PDZD2: variants seen among roughly 807,000 people sequenced by gnomAD.
The protein encoded by PDZD2 is PDZ domain-containing protein 2.
Under a neutral mutation model 220.7 loss-of-function variants are expected in PDZD2, and 90 were observed. That is an observed-to-expected ratio of 0.41 (90% confidence interval 0.34 to 0.49). The LOEUF (loss-of-function observed/expected upper bound fraction) is 0.49, where lower values mean the gene tolerates loss of function less well. PDZD2 is among the 20% of genes least tolerant of loss of function. The probability of loss-of-function intolerance (pLI) is 0.28; values close to 1 mark genes in which losing one functional copy is unlikely to be tolerated. For missense variants in PDZD2, 3,174 were observed against 3,608.5 expected (o/e 0.88, Z 3.08); for synonymous variants, 1,375 against 1,450.5 (o/e 0.95, Z 1.18).
At chr5:31,655,375 T>C (rs1217639982) in intron 1 of PDZD2, among the ~76,000 whole-genome samples, 1 of 152,170 alleles carries the variant, frequency 6.6e-6, no homozygotes, top group East Asian at 1.9e-4. Flanking sequence ...GGTTTCACCA[T>C]GTTGGTCAGG....
chr5:31,732,488 C>T (rs1749592065), intron 1 of PDZD2, among the ~76,000 whole-genome samples: 1 of 152,174 alleles, frequency 6.6e-6, no homozygotes, highest in Non-Finnish European at 1.5e-5. Context: ...GAGGATGGAG[C>T]CCAGGCCAGA....
At chr5:31,998,487 G>A (rs1268120856) in intron 4 of PDZD2, among the ~76,000 whole-genome samples, 1 of 152,166 alleles carries the variant, frequency 6.6e-6, no homozygotes, top group African/African-American at 2.4e-5. Flanking sequence ...GGGGAGGGAA[G>A]GATGGAAAGA....
intron 2 of PDZD2, among the ~76,000 whole-genome samples, chr5:31,835,400 C>T (rs1287427997): frequency 6.6e-6 from 1 of 151,994 alleles, no homozygotes; most frequent in African/African-American, 2.4e-5. Context: ...AGGTGAATCA[C>T]TTGAGGTCAG....
At chr5:31,769,255 C>T (rs1752206092) in intron 1 of PDZD2, among the ~76,000 whole-genome samples, 1 of 152,182 alleles carries the variant, frequency 6.6e-6, no homozygotes. Flanking sequence ...GAAGCAAATG[C>T]AGTTGGATCC....
At chr5:31,991,015 C>T (rs547675667) in intron 3 of PDZD2, among the ~76,000 whole-genome samples, 2 of 152,316 alleles carry the variant, frequency 1.3e-5, no homozygotes, top group South Asian at 4.1e-4. Context: ...AGCAAAGCAT[C>T]TGCCCTCAGG....
intron 6 of PDZD2, among the ~76,000 whole-genome samples, chr5:32,036,416 G>A (rs1484641226): frequency 6.6e-6 from 1 of 152,168 alleles, no homozygotes; most frequent in Non-Finnish European, 1.5e-5. Flanking sequence ...CAAAAGTCTT[G>A]TACATGTAAA....
At chr5:31,725,711 G>T (rs893743653) in intron 1 of PDZD2, 3 of 889,406 alleles carry the variant, frequency 3.4e-6, no homozygotes, top group African/African-American at 1.6e-5. Context: ...TCTAGTTTTG[G>T]TATGAGATGC....
intron 2 of PDZD2, among the ~76,000 whole-genome samples, chr5:31,807,696 A>C (rs1024315114): frequency 6.6e-6 from 1 of 152,180 alleles, no homozygotes; most frequent in Non-Finnish European, 1.5e-5. Flanking sequence ...TGGCGGATGC[A>C]AGAACCGGGT....
chr5:31,647,104 T>G (rs897344255), intron 1 of PDZD2, among the ~76,000 whole-genome samples: 1 of 152,176 alleles, frequency 6.6e-6, no homozygotes, highest in Non-Finnish European at 1.5e-5. Context: ...CTGAGCACAC[T>G]TCCCGCCTTC....
At chr5:31,911,288 G>A (rs1581058520) in intron 2 of PDZD2, among the ~76,000 whole-genome samples, 1 of 152,334 alleles carries the variant, frequency 6.6e-6, no homozygotes, top group Non-Finnish European at 1.5e-5. Flanking sequence ...AAGGAAAGTA[G>A]CATTGTTCTA....
chr5:32,040,955 G>T (rs529618118), intron 7 of PDZD2, among the ~76,000 whole-genome samples: 5 of 141,256 alleles, frequency 3.5e-5, no homozygotes, highest in African/African-American at 1.3e-4. Context: ...GGGAAATGGG[G>T]AGCGCCTCTG....
intron 4 of PDZD2, 96 bp downstream of exon 4, chr5:31,995,814 C>A: frequency 8.8e-7 from 1 of 1,132,764 alleles, no homozygotes; most frequent in Non-Finnish European, 1.3e-6. Flanking sequence ...TTGTTCAAAG[C>A]CCTGGCGATT....
At chr5:32,058,546 C>T (rs1445040030) in intron 12 of PDZD2, among the ~76,000 whole-genome samples, 3 of 151,556 alleles carry the variant, frequency 2.0e-5, no homozygotes, top group Admixed American at 6.6e-5. Flanking sequence ...TGGTGGCAAG[C>T]GCCTGTAATC....
intron 2 of PDZD2, among the ~76,000 whole-genome samples, chr5:31,979,901 T>C (rs753178178): frequency 3.3e-5 from 5 of 152,216 alleles, no homozygotes; most frequent in Non-Finnish European, 7.3e-5. Context: ...ATTTCCAAGC[T>C]GCAGTTTCAT....
At chr5:31,927,663 G>A (rs1744917102) in intron 2 of PDZD2, among the ~76,000 whole-genome samples, 1 of 152,142 alleles carries the variant, frequency 6.6e-6, no homozygotes. Context: ...GGGATTACAA[G>A]CATGATCCAC....
chr5:31,785,918 AC>A (rs1284452197), intron 1 of PDZD2, among the ~76,000 whole-genome samples: 1 of 150,896 alleles, frequency 6.6e-6, no homozygotes, highest in African/African-American at 2.4e-5. Flanking sequence ...CTTCTCTCCC[AC>A]CCTATTAAGG....
At chr5:31,820,725 T>C (rs1429217085) in intron 2 of PDZD2, 1 of 152,138 alleles carries the variant, frequency 6.6e-6, no homozygotes. Flanking sequence ...AAGGACATTT[T>C]TGCCAAATTG....
intron 3 of PDZD2, among the ~76,000 whole-genome samples, chr5:31,991,925 C>T (rs976850688): frequency 3.3e-5 from 5 of 152,016 alleles, no homozygotes; most frequent in South Asian, 2.1e-4. Flanking sequence ...CCCAGCTACT[C>T]GGGAGGCTGA....
chr5:32,068,337 C>T (rs558321453), intron 14 of PDZD2, among the ~76,000 whole-genome samples: 17 of 152,232 alleles, frequency 1.1e-4, no homozygotes, highest in Admixed American at 3.9e-4. Context: ...AAACAATTTT[C>T]GTAATAAAAC....
Sources: allele counts gnomAD v4.1 joint callset (sites outside exome capture counted in the v4.1 genomes callset), GRCh38; gene constraint gnomAD v4.1.1; transcripts MANE v1.5; gene names NCBI Gene and HGNC (gene_info 2026-07-23, HGNC 2026-07-21).